The following ALG14 variants were observed in gnomAD, a reference collection of about 807,000 sequenced individuals.
ALG14 encodes UDP-N-acetylglucosamine transferase subunit ALG14.
In ALG14, 17 loss-of-function variants were observed where a neutral mutation model predicts 22.8. That is an observed-to-expected ratio of 0.75 (90% CI 0.51 to 1.12). ALG14 has a LOEUF of 1.12. ALG14 is among the 50% of genes most tolerant of loss of function. ALG14 has a pLI of 0.00. For synonymous variants in ALG14, 89 were observed against 103.7 expected (o/e 0.86, Z 0.86); for missense variants, 288 against 271.8 (o/e 1.06, Z -0.42).
intron 2 of ALG14, among the ~76,000 whole-genome samples, chr1:95,043,892 G>A (rs1450428002): frequency 6.6e-6 from 1 of 152,014 alleles, no homozygotes; most frequent in Non-Finnish European, 1.5e-5. Flanking sequence ...GAAGGAGGGA[G>A]AGAGAGTGCA....
At chr1:95,015,150 CT>C (rs1673466292) in intron 3 of ALG14, among the ~76,000 whole-genome samples, 1 of 152,124 alleles carries the variant, frequency 6.6e-6, no homozygotes, top group Non-Finnish European at 1.5e-5. Flanking sequence ...TGCCATTCAC[CT>C]CTCAGTGGGA....
intron 3 of ALG14, among the ~76,000 whole-genome samples, chr1:95,007,332 C>T (rs781065588): frequency 3.0e-4 from 45 of 152,318 alleles, no homozygotes; most frequent in Non-Finnish European, 5.6e-4. Context: ...GGTCATTTCC[C>T]GTCTGAAGAC....
At chr1:95,040,342 A>G (rs1308284425) in intron 2 of ALG14, among the ~76,000 whole-genome samples, 1 of 152,164 alleles carries the variant, frequency 6.6e-6, no homozygotes, top group African/African-American at 2.4e-5. Flanking sequence ...TTGCTTCATG[A>G]CATTTCATAA....
In ALG14 at chr1:95,072,753, C is replaced by T. The variant is rs771775941; in HGVS notation, c.136+10G>A. 3.7e-6 allele frequency: 6 copies of T among 1,610,726 alleles called. No homozygotes were observed. In the East Asian group the frequency reaches 8.9e-5, roughly 24 times the overall value. On this transcript the variant is annotated intron_variant, in intron 1 of 3. Coordinates refer to ENST00000370205, the MANE Select transcript of ALG14 (RefSeq NM_144988.4). ...AACCCAAGTCCGACAGTCGCCTCCT[C>T]GATACTTACCGGACCCAGCCACTAC... is the stretch of plus-strand genomic sequence containing the variant.
chr1:95,065,413 T>C (rs150109476), intron 1 of ALG14, among the ~76,000 whole-genome samples: 19 of 152,008 alleles, frequency 1.2e-4, no homozygotes, highest in African/African-American at 4.1e-4. Context: ...AATCAATGCC[T>C]TAAAAATAAG....
intron 2 of ALG14, among the ~76,000 whole-genome samples, chr1:95,044,540 A>G (rs925829545): frequency 6.6e-6 from 1 of 152,110 alleles, no homozygotes; most frequent in Non-Finnish European, 1.5e-5. Context: ...TGGCTTTTCC[A>G]GAGACTTTTC....
At chr1:95,044,882 T>TAAAAAAA (rs372248366) in intron 2 of ALG14, among the ~76,000 whole-genome samples, 3 of 151,762 alleles carry the variant, frequency 2.0e-5, no homozygotes, top group Admixed American at 6.6e-5. Context: ...ATTTTTTTTT[T>TAAAAAAA]AAAAAAAGCA....
intron 1 of ALG14, among the ~76,000 whole-genome samples, chr1:95,068,800 T>A (rs1675464052): frequency 6.6e-6 from 1 of 152,176 alleles, no homozygotes; most frequent in South Asian, 2.1e-4. Context: ...ATTTGCCAGG[T>A]GAATTATCAA....
Position 94,976,246 on chromosome 1 carries a change from G to A in ALG14, c.*6830C>T, listed in dbSNP as rs1374919113. 3.3e-5 allele frequency: 5 copies of A among 152,092 alleles called. No individual in the cohort carries two copies. The highest frequency in any genetic ancestry group is 1.2e-4 in the African/African-American group (5 of 41,396). 9.4% of individuals were successfully genotyped at this position (152,092 alleles called of 1,614,324 possible). On this transcript the variant is annotated 3_prime_UTR_variant, in exon 4 of 4. Coordinates refer to ENST00000370205, the MANE Select transcript of ALG14 (RefSeq NM_144988.4). ...CAAGTAACTTGCCAGAAAAGGGATAGAGTTTGGGAGATGTGGATTTCCCAT... is the reference window on the plus strand; with the variant it reads ...CAAGTAACTTGCCAGAAAAGGGATAAAGTTTGGGAGATGTGGATTTCCCAT...
chr1:94,996,561 A>C (rs1490587685), intron 3 of ALG14, among the ~76,000 whole-genome samples: 2 of 152,190 alleles, frequency 1.3e-5, no homozygotes, highest in East Asian at 3.9e-4. Flanking sequence ...ACTCAGCCAG[A>C]ATGCCCTTCC....
chr1:94,990,385 C>T (rs1229674821), intron 3 of ALG14, among the ~76,000 whole-genome samples: 1 of 152,154 alleles, frequency 6.6e-6, no homozygotes, highest in Non-Finnish European at 1.5e-5. Flanking sequence ...ATTTAATCAT[C>T]TGAGGAGTAA....
At position 95,009,386 on chromosome 1, in the gene ALG14, T is replaced by C. The variant is rs189755818; in HGVS notation, c.420+17743A>G. ...TCATTATTAAAGATGGAGTGATTACTATAGTAAGTAGAGCAGAGAATATAT... is the reference window on the plus strand; with the variant it reads ...TCATTATTAAAGATGGAGTGATTACCATAGTAAGTAGAGCAGAGAATATAT... On this transcript the variant is annotated intron_variant, in intron 3 of 3. Transcript: ENST00000370205. Among the ~76,000 whole-genome samples, 485 of 152,226 alleles carry C rather than the reference T, an allele frequency of 3.2e-3. 1 individual carries two copies. The highest frequency in any genetic ancestry group is 0.011 in the African/African-American group (467 of 41,556).
In ALG14 at chr1:94,978,844, T is replaced by TAAAAA. The variant is rs71813336; in HGVS notation, c.*4227_*4231dup. The stretch of plus-strand genomic sequence containing the variant: ...TTGAGGACATTTTTTCTTTTTTCTT[T>TAAAAA]AAAAAAAAAAAAAAACACCTAACGT... On this transcript the variant is annotated 3_prime_UTR_variant, in exon 4 of 4. Transcript: ENST00000370205. 10 of 143,596 alleles carry TAAAAA rather than the reference T, an allele frequency of 7.0e-5. No homozygotes were observed. Among genetic ancestry groups the TAAAAA allele is most frequent in the African/African-American group, 2.3e-4 (9 of 39,276 alleles). 8.9% of individuals were successfully genotyped at this position (143,596 alleles called of 1,614,324 possible).
intron 3 of ALG14, among the ~76,000 whole-genome samples, chr1:95,015,798 C>A (rs538223842): frequency 6.6e-6 from 1 of 152,334 alleles, no homozygotes; most frequent in Admixed American, 6.5e-5. Context: ...CCTGAAGAGG[C>A]TCACTGTGGC....
Position 95,013,147 on chromosome 1 carries a change from C to A in ALG14, c.420+13982G>T, listed in dbSNP as rs551993430. 3.1e-3 allele frequency among the ~76,000 whole-genome samples: 459 copies of A among 149,700 alleles called. 1 individual carries two copies. The highest frequency in any genetic ancestry group is 0.011 in the African/African-American group (444 of 40,910). On this transcript the variant is annotated intron_variant, in intron 3 of 3. Coordinates refer to ENST00000370205, the MANE Select transcript of ALG14 (RefSeq NM_144988.4). ...AAAAAAAAGAAACAATAAAAAAAAA[C>A]CCAGAAGAATCTTTTCCTCTCATCA...
intron 2 of ALG14, among the ~76,000 whole-genome samples, chr1:95,044,872 AT>A (rs145634022): frequency 9.2e-4 from 138 of 150,528 alleles, no homozygotes; most frequent in Non-Finnish European, 8.7e-4. Context: ...TAAACAAAGT[AT>A]TTTTTTTTTA....
intron 1 of ALG14, among the ~76,000 whole-genome samples, chr1:95,067,720 C>T (rs1472693860): frequency 6.6e-6 from 1 of 152,210 alleles, no homozygotes; most frequent in African/African-American, 2.4e-5. Context: ...GTTTCTTGAT[C>T]TGTTCCCTGA....
At chr1:95,004,702 C>T (rs944020451) in intron 3 of ALG14, among the ~76,000 whole-genome samples, 35 of 151,736 alleles carry the variant, frequency 2.3e-4, no homozygotes, top group Non-Finnish European at 4.3e-4. Flanking sequence ...GGGGTTTCAC[C>T]GCATTAGCCA....
chr1:94,991,800 A>C (rs908916269), intron 3 of ALG14, among the ~76,000 whole-genome samples: 17 of 152,226 alleles, frequency 1.1e-4, no homozygotes, highest in African/African-American at 4.1e-4. Flanking sequence ...TTTTTGTAGA[A>C]ATATTTAGTT....
Sources: gnomAD v4.1 joint callset for allele counts (sites outside exome capture counted in the v4.1 genomes callset) on GRCh38, gnomAD v4.1.1 for gene constraint, MANE v1.5 for transcripts, NCBI Gene and HGNC (gene_info 2026-07-23, HGNC 2026-07-21) for gene names.